The following CDKAL1 variants were observed in gnomAD, a reference collection of about 807,000 sequenced individuals.
The protein encoded by CDKAL1 is CDKAL1 threonylcarbamoyladenosine tRNA methylthiotransferase, also known as threonylcarbamoyladenosine tRNA methylthiotransferase.
In CDKAL1, 32 loss-of-function variants were observed where a neutral mutation model predicts 68.2. The observed-to-expected ratio is 0.47, with a 90% CI of 0.35 to 0.63. CDKAL1 has a LOEUF of 0.63. Among genes scored for constraint, CDKAL1 ranks in the 30% least tolerant of loss-of-function variants. The pLI is 0.00. For synonymous variants in CDKAL1, 234 were observed against 244.3 expected, an observed-to-expected ratio of 0.96 and a Z score of 0.39; for missense variants, 606 against 696.7, an observed-to-expected ratio of 0.87 and a Z score of 1.47.
At position 21,176,682 on chromosome 6, in the gene CDKAL1, G is replaced by GTTTT. The variant is rs777506511; in HGVS notation, c.1300-21329_1300-21326dup. Among the ~76,000 whole-genome samples, 169 of 119,844 alleles carry GTTTT rather than the reference G, an allele frequency of 1.4e-3. 10 individuals carry two copies. Among genetic ancestry groups the GTTTT allele is most frequent in the African/African-American group, 2.0e-3 (59 of 30,194 alleles). 78.6% of individuals were successfully genotyped at this position (119,844 alleles called of 152,430 possible). A position where few individuals can be genotyped will look rare whatever the true frequency, so the allele number is the denominator to read the frequency against. ...GAATGTCTTCATGGGCTGGATGTTGGTTTTTTTTTTTTTGTTTTTTTTTTT... is the reference window on the plus strand; with the variant it reads ...GAATGTCTTCATGGGCTGGATGTTGGTTTTTTTTTTTTTTTTTGTTTTTTTTTTT... On this transcript the variant is annotated intron_variant, in intron 13 of 15. Transcript: ENST00000274695.
intron 4 of CDKAL1, among the ~76,000 whole-genome samples, chr6:20,561,416 T>TG (rs1376697103): frequency 1.6e-5 from 2 of 121,688 alleles, no homozygotes; most frequent in Non-Finnish European, 3.2e-5. Context: ...CACTCCAGCC[T>TG]GGGCGACAGA....
chr6:20,954,219 A>T (rs996127084), intron 9 of CDKAL1, among the ~76,000 whole-genome samples: 11 of 152,178 alleles, frequency 7.2e-5, no homozygotes, highest in African/African-American at 2.7e-4. Flanking sequence ...TATTAAGAGG[A>T]GCGAAGATCT....
chr6:21,169,304 A>C (rs1426038338), intron 13 of CDKAL1, among the ~76,000 whole-genome samples: 3 of 152,218 alleles, frequency 2.0e-5, no homozygotes, highest in Admixed American at 1.3e-4. Context: ...TGGTGGGTTC[A>C]TCTGTTTTCT....
At chr6:20,798,852 T>A in intron 8 of CDKAL1, among the ~76,000 whole-genome samples, 1 of 148,730 alleles carries the variant, frequency 6.7e-6, no homozygotes, top group Non-Finnish European at 1.5e-5. Context: ...ACATGGCACA[T>A]GTATACATAT....
At chr6:20,714,591 T>A (rs896303890) in intron 5 of CDKAL1, among the ~76,000 whole-genome samples, 11 of 151,874 alleles carry the variant, frequency 7.2e-5, no homozygotes, top group Non-Finnish European at 1.6e-4. Flanking sequence ...GGTCTTCCAA[T>A]GTTGTCCAAA....
At chr6:21,020,166 A>G (rs1768565551) in intron 11 of CDKAL1, among the ~76,000 whole-genome samples, 1 of 152,186 alleles carries the variant, frequency 6.6e-6, no homozygotes, top group South Asian at 2.1e-4. Flanking sequence ...AGCATGTGGA[A>G]TTAGACTGCA....
intron 5 of CDKAL1, among the ~76,000 whole-genome samples, chr6:20,726,251 A>G (rs982795588): frequency 6.6e-6 from 1 of 152,094 alleles, no homozygotes; most frequent in African/African-American, 2.4e-5. Context: ...CTTTTGACCA[A>G]TTGCCAATCA....
At chr6:20,943,127 G>A (rs982751244) in intron 9 of CDKAL1, among the ~76,000 whole-genome samples, 9 of 150,764 alleles carry the variant, frequency 6.0e-5, no homozygotes, top group Non-Finnish European at 1.3e-4. Flanking sequence ...CTGGTATTGA[G>A]TTCACTCAGC....
chr6:21,080,000 G>GTGTGTGTGTGTGTA lies in CDKAL1; in HGVS notation c.1236+14781_1236+14782insGTGTATGTGTGTGT, dbSNP rs1772297884. Among the ~76,000 whole-genome samples, 5 of 151,452 alleles carry GTGTGTGTGTGTGTA rather than the reference G, an allele frequency of 3.3e-5. No individual in the cohort carries two copies. In the South Asian group the frequency reaches 1.0e-3, roughly 32 times the overall value. On this transcript the variant is annotated intron_variant, in intron 12 of 15. Coordinates refer to ENST00000274695, the MANE Select transcript of CDKAL1 (RefSeq NM_017774.3). ...TCTGTGTGTGTGTGTGTGTGTGTGT[G>GTGTGTGTGTGTGTA]TGTGTGTGTTTGAACCATGTAGAAA...
At chr6:20,978,389 G>A (rs368667403) in intron 10 of CDKAL1, among the ~76,000 whole-genome samples, 9 of 152,278 alleles carry the variant, frequency 5.9e-5, no homozygotes, top group South Asian at 2.1e-4. Flanking sequence ...AAAGGTAGAC[G>A]TTTCCTTTCA....
chr6:20,696,204 A>G (rs976312441), intron 5 of CDKAL1, among the ~76,000 whole-genome samples: 7 of 152,256 alleles, frequency 4.6e-5, no homozygotes, highest in Middle Eastern at 3.2e-3. Flanking sequence ...CAGAAATATG[A>G]GCCCTCATCC....
chr6:20,776,619 C>T (rs1775182362), intron 7 of CDKAL1, among the ~76,000 whole-genome samples: 1 of 152,132 alleles, frequency 6.6e-6, no homozygotes, highest in South Asian at 2.1e-4. Context: ...TTAATGATTG[C>T]TTTTTAAAAG....
At chr6:20,568,917 A>T (rs1581740700) in intron 4 of CDKAL1, among the ~76,000 whole-genome samples, 1 of 151,908 alleles carries the variant, frequency 6.6e-6, no homozygotes, top group Non-Finnish European at 1.5e-5. Flanking sequence ...GTTAGACTCT[A>T]TTGCAATTAT....
chr6:20,794,452 CT>C (rs35025612), intron 8 of CDKAL1, among the ~76,000 whole-genome samples: 1 of 151,952 alleles, frequency 6.6e-6, no homozygotes, highest in Non-Finnish European at 1.5e-5. Context: ...GATCTGAAGA[CT>C]TTTTTTGTAA....
At chr6:20,570,358 T>C (rs2127677378) in intron 4 of CDKAL1, among the ~76,000 whole-genome samples, 1 of 152,152 alleles carries the variant, frequency 6.6e-6, no homozygotes, top group East Asian at 1.9e-4. Context: ...CACCTCGGCC[T>C]CCCAAAGTGC....
chr6:21,115,775 T>C (rs761484937), intron 13 of CDKAL1, among the ~76,000 whole-genome samples: 13 of 152,182 alleles, frequency 8.5e-5, no homozygotes, highest in Non-Finnish European at 1.6e-4. Context: ...GTTAAATCCA[T>C]TTCCTCATCC....
chr6:21,099,549 T>A (rs563102489), intron 12 of CDKAL1, among the ~76,000 whole-genome samples: 3 of 152,186 alleles, frequency 2.0e-5, no homozygotes, highest in Non-Finnish European at 2.9e-5. Flanking sequence ...GGGTGAAGAT[T>A]GGACACAGGT....
intron 13 of CDKAL1, among the ~76,000 whole-genome samples, chr6:21,157,285 A>G (rs1055998080): frequency 3.3e-5 from 5 of 152,184 alleles, no homozygotes; most frequent in African/African-American, 4.8e-5. Context: ...GGCAGCCAGT[A>G]AATGTTACTT....
chr6:20,662,272 G>C (rs998303152), intron 5 of CDKAL1, among the ~76,000 whole-genome samples: 3 of 151,990 alleles, frequency 2.0e-5, no homozygotes, highest in African/African-American at 7.2e-5. Context: ...TCTTACTTAT[G>C]GTTACACTTA....
Sources: allele counts gnomAD v4.1 joint callset (sites outside exome capture counted in the v4.1 genomes callset), GRCh38; gene constraint gnomAD v4.1.1; transcripts MANE v1.5; gene names NCBI Gene and HGNC (gene_info 2026-07-23, HGNC 2026-07-21).